SP110: variants seen among roughly 807,000 people sequenced by gnomAD.
The protein encoded by SP110 is SP110 nuclear body protein, also known as interferon-induced protein 41, 30kD.
A neutral mutation model predicts 92.7 loss-of-function variants in SP110; 62 were observed. The ratio of observed to expected loss-of-function variants is 0.67; its 90% CI spans 0.55 to 0.83. The LOEUF (loss-of-function observed/expected upper bound fraction) is 0.83, where lower values mean the gene tolerates loss of function less well. Among genes scored for constraint, SP110 ranks in the 40% least tolerant of loss-of-function variants. The pLI is 0.00. For missense variants in SP110, 793 were observed against 863.9 expected (o/e 0.92, Z 1.03); for synonymous variants, 273 against 305.3 (o/e 0.89, Z 1.10).
At position 230,179,404 on chromosome 2, in the gene SP110, C is replaced by T. The variant is rs117199125; in HGVS notation, c.1349-1149G>A. ...AGCCAGCCCTCTTGCATGGAGTGGC[C>T]AGCTCCACCATTTGTCTCTAGACTC... On this transcript the variant is annotated intron_variant, in intron 12 of 18. Coordinates refer to ENST00000258381, the MANE Select transcript of SP110 (RefSeq NM_080424.4). Among the ~76,000 whole-genome samples, 32 of 149,648 alleles carry T rather than the reference C, an allele frequency of 2.1e-4. No homozygotes were observed. In the East Asian group the frequency reaches 5.4e-3, roughly 25 times the overall value.
At chr2:230,191,559 T>TA (rs1015898025) in intron 10 of SP110, among the ~76,000 whole-genome samples, 1 of 152,018 alleles carries the variant, frequency 6.6e-6, no homozygotes, top group African/African-American at 2.4e-5. Context: ...CCTGGACACA[T>TA]ACACCCTATC....
intron 14 of SP110, 103 bp downstream of exon 14, chr2:230,177,435 G>A: frequency 8.3e-7 from 1 of 1,200,868 alleles, no homozygotes; most frequent in Non-Finnish European, 1.2e-6. Flanking sequence ...TATAAATCAT[G>A]CTGTTGAATC....
intron 16 of SP110, 54 bp from the exon 17 acceptor site, chr2:230,171,821 C>T: frequency 7.3e-7 from 1 of 1,375,590 alleles, no homozygotes; most frequent in Non-Finnish European, 1.0e-6. Flanking sequence ...AACAGTGAAG[C>T]CAGGCGAGTG....
rs766118945 is a variant in SP110, at chr2:230,172,976, C to T, written c.1591-17G>A. On this transcript the variant is annotated splice_polypyrimidine_tract_variant and intron_variant, in intron 14 of 18. Transcript: ENST00000258381. ...GTTTTTCCGCTGCAAGGGCAGATAACGTGGGCACCGCTAGGACCATGGAGA... is the reference window on the plus strand; with the variant it reads ...GTTTTTCCGCTGCAAGGGCAGATAATGTGGGCACCGCTAGGACCATGGAGA... The T allele has an allele frequency of 9.7e-6, 15 of 1,541,860 alleles. No homozygotes were observed. Among genetic ancestry groups the T allele is most frequent in the Middle Eastern group, 1.7e-4 (1 of 5,940 alleles).
At chr2:230,182,567 A>G (rs916387821) in intron 12 of SP110, among the ~76,000 whole-genome samples, 2 of 152,088 alleles carry the variant, frequency 1.3e-5, no homozygotes, top group Non-Finnish European at 2.9e-5. Flanking sequence ...GGCCCATGTG[A>G]GGAGGCCCTG....
chr2:230,193,272 T>C (rs1029152923), intron 10 of SP110, among the ~76,000 whole-genome samples: 3 of 152,236 alleles, frequency 2.0e-5, no homozygotes, highest in South Asian at 4.1e-4. Flanking sequence ...CTCTTGAAGA[T>C]AGCAGATATT....
intron 11 of SP110, among the ~76,000 whole-genome samples, chr2:230,185,464 T>G (rs2042315555): frequency 6.6e-6 from 1 of 152,180 alleles, no homozygotes; most frequent in Admixed American, 6.5e-5. Context: ...CATAGACACA[T>G]CTTGTTATTT....
At chr2:230,194,939 G>A (rs1559155783) in intron 10 of SP110, among the ~76,000 whole-genome samples, 1 of 152,154 alleles carries the variant, frequency 6.6e-6, no homozygotes, top group East Asian at 1.9e-4. Flanking sequence ...GGTTGGGGCT[G>A]GCTGTGCTCC....
rs1424293646 is a variant in SP110 at position 230,166,852 on chromosome 2, G to A, written c.*2272C>T. ...TATCAAGGAAAATTTCCTGCCCTGG[G>A]ATTAGGGGGAACTAGCAACATGTGC... On this transcript the variant is annotated 3_prime_UTR_variant, in exon 19 of 19. Transcript: ENST00000258381. Among the ~76,000 whole-genome samples, 1 of 152,134 alleles carries A rather than the reference G, an allele frequency of 6.6e-6. No homozygotes were observed. The highest frequency in any genetic ancestry group is 1.9e-4 in the East Asian group (1 of 5,196).
At chr2:230,205,515 A>T (rs908753747) in intron 8 of SP110, among the ~76,000 whole-genome samples, 1 of 151,996 alleles carries the variant, frequency 6.6e-6, no homozygotes, top group Non-Finnish European at 1.5e-5. Flanking sequence ...TTTCTAGTTT[A>T]TATTCTTTCC....
rs1233224278 is a variant in SP110, at chr2:230,178,249, G to A, written c.1355C>T (p.Pro452Leu). 1 of 1,607,882 alleles carries A rather than the reference G, an allele frequency of 6.2e-7. No individual in the cohort carries two copies. The highest frequency in any genetic ancestry group is 8.5e-7 in the Non-Finnish European group (1 of 1,174,820). ...GTGAAAATCCACAGTGTCACTTTTG[G>A]GTTTTCCTTAAAGTAGAAGAGAACA... ...FQKNIHRRGK[P>L]KSDTVDFHCS... is the part of the protein sequence containing the mutation. Residue 452 changes from proline (P) to leucine (L), a missense_variant, in exon 13 of 19, where the codon CCC (proline) becomes CTC (leucine). Pro to Leu is a moderately conservative substitution (Grantham distance 98). Transcript: ENST00000258381.
In SP110 at chr2:230,172,360, G is replaced by A. The variant is rs1574590773; in HGVS notation, c.1707-186C>T. ...CCCTTCCCTCGCATCAGTGGTAGCG[G>A]CAGGCGGGCAGCCTGAGGAAGGTGG... On this transcript the variant is annotated intron_variant, in intron 15 of 18. Transcript: ENST00000258381. 7.8e-6 allele frequency: 5 copies of A among 642,934 alleles called. No individual in the cohort carries two copies. In the East Asian group the frequency reaches 1.4e-4, roughly 18 times the overall value. The allele number at this position is 642,934 out of a possible 1,614,324, so 39.8% of individuals were successfully genotyped here.
At chr2:230,210,442 A>ACATC (rs2044342851) in intron 6 of SP110, among the ~76,000 whole-genome samples, 3 of 152,200 alleles carry the variant, frequency 2.0e-5, no homozygotes, top group Non-Finnish European at 4.4e-5. Context: ...GATGAAGGGG[A>ACATC]ATGTCTTTGC....
Position 230,168,874 on chromosome 2 carries a change from T to C in SP110, c.*250A>G, listed in dbSNP as rs1167187243. ...AAGACTTATGAGACAGTGGGGAGAA[T>C]GTGAACTATGATGGGGTATCTGATG... On this transcript the variant is annotated 3_prime_UTR_variant, in exon 19 of 19. Transcript: ENST00000258381. 1 of 402,462 alleles carries C rather than the reference T, an allele frequency of 2.5e-6. No homozygotes were observed. Among genetic ancestry groups the C allele is most frequent in the Non-Finnish European group, 4.6e-6 (1 of 216,382 alleles). 24.9% of individuals were successfully genotyped at this position (402,462 alleles called of 1,614,324 possible).
In SP110 at chr2:230,172,079, G is replaced by A. The variant is rs201732274; in HGVS notation, c.1802C>T (p.Pro601Leu). 56 of 1,604,340 alleles carry A rather than the reference G, an allele frequency of 3.5e-5. No individual in the cohort carries two copies. Among genetic ancestry groups the A allele is most frequent in the Non-Finnish European group, 4.7e-5 (55 of 1,171,090 alleles). Residue 601 changes from proline (P) to leucine (L), a missense_variant, in exon 16 of 19, where the codon CCT becomes CTT. Coordinates refer to ENST00000258381, the MANE Select transcript of SP110 (RefSeq NM_080424.4). ...CATCCAACTCACCAGCTGGTCCTGA[G>A]GCTGCATCTGCCTCTCCAGGGTCTT... ...VSKTLERQMQ[P>L]QDQLKCEFLL...
intron 7 of SP110, among the ~76,000 whole-genome samples, 175 bp from the exon 8 acceptor site, chr2:230,208,234 A>AGG (rs2044091823): frequency 6.6e-6 from 1 of 152,206 alleles, no homozygotes; most frequent in Admixed American, 6.5e-5. Flanking sequence ...AAAATGACAG[A>AGG]GGAAAAGGAG....
chr2:230,220,149 G>T, upstream of SP110: 1 of 907,300 alleles, frequency 1.1e-6, no homozygotes, highest in Non-Finnish European at 1.3e-6. Flanking sequence ...TTGGGGTTTG[G>T]GGGAGGGCGT....
In SP110 at chr2:230,166,903, A is replaced by T. The variant is rs967034951; in HGVS notation, c.*2221T>A. Among the ~76,000 whole-genome samples the T allele has an allele frequency of 6.6e-6, 1 of 152,084 alleles. No individual in the cohort carries two copies. The highest frequency in any genetic ancestry group is 2.4e-5 in the African/African-American group (1 of 41,410). Reference sequence around the variant, plus strand: ...TTGACTGGATTTCAGAATTGCTATAAATGAGTGACTGCTGCTTCCTTTTTC... The same window carrying T: ...TTGACTGGATTTCAGAATTGCTATATATGAGTGACTGCTGCTTCCTTTTTC... On this transcript the variant is annotated 3_prime_UTR_variant, in exon 19 of 19. Coordinates refer to ENST00000258381, the MANE Select transcript of SP110 (RefSeq NM_080424.4).
At chr2:230,202,415 A>G (rs143857502) in intron 9 of SP110, among the ~76,000 whole-genome samples, 164 bp downstream of exon 9, 65 of 152,252 alleles carry the variant, frequency 4.3e-4, no homozygotes, top group South Asian at 2.7e-3. Context: ...TTCAGATGCA[A>G]CAGATGCTTG....
Sources: allele counts gnomAD v4.1 joint callset (sites outside exome capture counted in the v4.1 genomes callset), GRCh38; gene constraint gnomAD v4.1.1; transcripts MANE v1.5; gene names NCBI Gene and HGNC (gene_info 2026-07-23, HGNC 2026-07-21).